The following CTNNA3 variants were observed in gnomAD, a reference collection of about 807,000 sequenced individuals.
CTNNA3 encodes the protein catenin alpha 3.
Under a neutral mutation model 95.7 loss-of-function variants are expected in CTNNA3, and 76 were observed. That is an observed-to-expected ratio of 0.79 (90% CI 0.66 to 0.96). CTNNA3 has a LOEUF of 0.96. CTNNA3 is among the 40% of genes least tolerant of loss of function. The pLI, the probability that CTNNA3 is intolerant of heterozygous loss-of-function variation, is 0.00. For missense variants in CTNNA3, 1,191 were observed against 1,089.8 expected, an observed-to-expected ratio of 1.09 and a Z score of -1.31; for synonymous variants, 431 against 374.4, an observed-to-expected ratio of 1.15 and a Z score of -1.74.
At chr10:66,794,362 T>C (rs907678538) in intron 7 of CTNNA3, among the ~76,000 whole-genome samples, 2 of 152,158 alleles carry the variant, frequency 1.3e-5, no homozygotes, top group Admixed American at 6.5e-5. Context: ...ATGGGTTTTT[T>C]GGTTTCTCAA....
At chr10:67,290,129 C>A (rs985204265) in intron 5 of CTNNA3, among the ~76,000 whole-genome samples, 3 of 152,152 alleles carry the variant, frequency 2.0e-5, no homozygotes, top group African/African-American at 7.2e-5. Context: ...TCTCTATTAG[C>A]AGTCTTTAGA....
chr10:66,651,221 T>C (rs939677989), intron 9 of CTNNA3, among the ~76,000 whole-genome samples: 3 of 152,170 alleles, frequency 2.0e-5, no homozygotes, highest in Non-Finnish European at 4.4e-5. Context: ...TTTAAAATCC[T>C]CTAGCTAGAC....
rs2132448358 is a variant in CTNNA3 at position 66,366,848 on chromosome 10, T to C, written c.1732+12304A>G. 2.6e-5 allele frequency among the ~76,000 whole-genome samples: 4 copies of C among 152,280 alleles called. 1 individual carries two copies. In the South Asian group the frequency reaches 6.2e-4, roughly 24 times the overall value. On this transcript the variant is annotated intron_variant, in intron 12 of 17. Coordinates refer to ENST00000433211, the MANE Select transcript of CTNNA3 (RefSeq NM_013266.4). Reference sequence around the variant, plus strand: ...ACTCTGTATGATTAAGGTAGATGTGTATGTGTGTATCTTTGTGTGTGTGTG... The same window carrying C: ...ACTCTGTATGATTAAGGTAGATGTGCATGTGTGTATCTTTGTGTGTGTGTG...
chr10:66,243,599 G>A (rs2090191222), intron 13 of CTNNA3, among the ~76,000 whole-genome samples: 3 of 152,090 alleles, frequency 2.0e-5, no homozygotes, highest in African/African-American at 7.2e-5. Flanking sequence ...TGCCTCTCAG[G>A]ACCAAACCAA....
chr10:67,016,889 G>T (rs979081349), intron 7 of CTNNA3, among the ~76,000 whole-genome samples: 2 of 152,074 alleles, frequency 1.3e-5, no homozygotes, highest in African/African-American at 4.8e-5. Flanking sequence ...GGAATGATAC[G>T]AATATTTTAT....
intron 17 of CTNNA3, among the ~76,000 whole-genome samples, chr10:65,921,463 G>A (rs1442960523): frequency 1.3e-5 from 2 of 152,228 alleles, no homozygotes; most frequent in African/African-American, 4.8e-5. Context: ...GCTTTTGGAA[G>A]TTTCTCACAG....
At chr10:66,454,782 G>A (rs961064872) in intron 11 of CTNNA3, among the ~76,000 whole-genome samples, 7 of 143,374 alleles carry the variant, frequency 4.9e-5, no homozygotes, top group Non-Finnish European at 1.1e-4. Context: ...GAAGATGAAG[G>A]AGGAGGAAGG....
chr10:67,432,216 A>G (rs1204816623), intron 5 of CTNNA3, among the ~76,000 whole-genome samples: 2 of 152,000 alleles, frequency 1.3e-5, no homozygotes, highest in Non-Finnish European at 2.9e-5. Context: ...AAGCCAAAAT[A>G]AACCAATAAG....
At chr10:66,360,600 TTTC>T in intron 12 of CTNNA3, among the ~76,000 whole-genome samples, 1 of 32,496 alleles carries the variant, frequency 3.1e-5, no homozygotes, top group East Asian at 8.0e-4. Context: ...TCTTTCCTTC[TTTC>T]TTTCTTTCTT....
At chr10:66,367,305 C>T (rs2092716825) in intron 12 of CTNNA3, among the ~76,000 whole-genome samples, 1 of 152,168 alleles carries the variant, frequency 6.6e-6, no homozygotes, top group Non-Finnish European at 1.5e-5. Flanking sequence ...TTCAAGCCTT[C>T]TTATTGTGGC....
intron 11 of CTNNA3, among the ~76,000 whole-genome samples, chr10:66,413,593 T>C (rs187212018): frequency 1.3e-3 from 191 of 152,326 alleles, no homozygotes; most frequent in African/African-American, 4.4e-3. Context: ...TTATAGTTGG[T>C]ACAAGCAATA....
At chr10:67,619,613 A>G (rs901585053) in intron 2 of CTNNA3, among the ~76,000 whole-genome samples, 2 of 152,260 alleles carry the variant, frequency 1.3e-5, no homozygotes, top group African/African-American at 2.4e-5. Context: ...TTTATGATAA[A>G]GAAGATCTGG....
intron 7 of CTNNA3, among the ~76,000 whole-genome samples, chr10:66,898,487 G>T (rs1414654135): frequency 2.0e-4 from 30 of 151,986 alleles, no homozygotes; most frequent in Admixed American, 2.0e-3. Flanking sequence ...CAACAAACAA[G>T]CAAACAAACA....
intron 1 of CTNNA3, among the ~76,000 whole-genome samples, chr10:67,757,008 C>A (rs1230022007): frequency 6.6e-6 from 1 of 151,922 alleles, no homozygotes; most frequent in Non-Finnish European, 1.5e-5. Context: ...ATTGTTTTCA[C>A]AACAAAAAAA....
At chr10:67,442,509 G>A (rs1846559176) in intron 5 of CTNNA3, among the ~76,000 whole-genome samples, 1 of 151,774 alleles carries the variant, frequency 6.6e-6, no homozygotes, top group African/African-American at 2.4e-5. Flanking sequence ...GAAAACAAAG[G>A]AATGATAAAA....
chr10:67,168,907 G>T (rs992630215), intron 7 of CTNNA3, among the ~76,000 whole-genome samples: 6 of 152,118 alleles, frequency 3.9e-5, no homozygotes, highest in Admixed American at 6.5e-5. Context: ...TAGCTCAAAA[G>T]CTCCTTCAGC....
chr10:66,106,329 GTGTGTGTT>G (rs1327707178), intron 13 of CTNNA3, among the ~76,000 whole-genome samples: 9 of 112,788 alleles, frequency 8.0e-5, no homozygotes, highest in Admixed American at 2.2e-4. Context: ...TTTTGTGTGT[GTGTGTGTT>G]TGTGTGTGTG....
chr10:67,558,136 C>G (rs920411560), intron 3 of CTNNA3, among the ~76,000 whole-genome samples: 2 of 152,074 alleles, frequency 1.3e-5, no homozygotes, highest in Non-Finnish European at 2.9e-5. Context: ...CCTTACAAGT[C>G]TCACAGGTAT....
chr10:66,237,657 G>A (rs1300553395), intron 13 of CTNNA3, among the ~76,000 whole-genome samples: 3 of 151,808 alleles, frequency 2.0e-5, no homozygotes, highest in African/African-American at 4.8e-5. Flanking sequence ...TTAGGGCTAC[G>A]TAAGACTGAG....
Sources: gnomAD v4.1 joint callset for allele counts (sites outside exome capture counted in the v4.1 genomes callset) on GRCh38, gnomAD v4.1.1 for gene constraint, MANE v1.5 for transcripts, NCBI Gene and HGNC (gene_info 2026-07-23, HGNC 2026-07-21) for gene names.